The following CCDC93 variants were observed in gnomAD, a reference collection of about 807,000 sequenced individuals.
CCDC93 encodes the protein coiled-coil domain-containing protein 93.
CCDC93 carries 61 observed loss-of-function variants against 108.2 expected under a neutral mutation model. The ratio of observed to expected loss-of-function variants is 0.56; its 90% CI spans 0.46 to 0.70. The LOEUF is 0.70. Ranked by LOEUF, CCDC93 falls within the 30% of genes least tolerant of loss-of-function variation. CCDC93 has a pLI of 0.00. For synonymous variants in CCDC93, 276 were observed against 260.4 expected (o/e 1.06, Z -0.58); for missense variants, 685 against 764.2 (o/e 0.90, Z 1.22).
chr2:117,971,334 T>C (rs959762489), intron 11 of CCDC93, among the ~76,000 whole-genome samples: 5 of 152,116 alleles, frequency 3.3e-5, no homozygotes, highest in African/African-American at 1.2e-4. Flanking sequence ...CTGCACTCTT[T>C]GCCTGGGCAA....
chr2:117,926,057 T>C (rs1678082015), intron 23 of CCDC93, among the ~76,000 whole-genome samples: 1 of 152,070 alleles, frequency 6.6e-6, no homozygotes, highest in Non-Finnish European at 1.5e-5. Flanking sequence ...ATAAAGATGT[T>C]CTTTGAAACC....
At chr2:118,006,838 T>C in intron 2 of CCDC93, 22 bp from the exon 3 acceptor site, 1 of 1,479,198 alleles carries the variant, frequency 6.8e-7, no homozygotes. Context: ...AAAGAAAATA[T>C]TTGTTTTCTC....
intron 11 of CCDC93, among the ~76,000 whole-genome samples, chr2:117,969,518 G>C (rs1321706815): frequency 6.6e-6 from 1 of 152,216 alleles, no homozygotes; most frequent in African/African-American, 2.4e-5. Flanking sequence ...CACAATAGCA[G>C]ATAACCACAC....
intron 7 of CCDC93, among the ~76,000 whole-genome samples, chr2:117,980,026 G>A (rs1307911166): frequency 6.6e-6 from 1 of 152,190 alleles, no homozygotes; most frequent in African/African-American, 2.4e-5. Flanking sequence ...CTATCACAGT[G>A]GCTTCTTGGT....
intron 18 of CCDC93, among the ~76,000 whole-genome samples, chr2:117,942,830 G>A (rs1020181369): frequency 1.3e-5 from 2 of 152,132 alleles, no homozygotes; most frequent in African/African-American, 4.8e-5. Context: ...ATTTCAATGT[G>A]GTTGAGTATC....
chr2:117,993,393 CAAAA>C (rs61495252), intron 6 of CCDC93, among the ~76,000 whole-genome samples: 1 of 64,430 alleles, frequency 1.6e-5, no homozygotes. Flanking sequence ...GACTCCGTCT[CAAAA>C]AAAAAAAAAA....
intron 13 of CCDC93, chr2:117,951,280 A>C: frequency 2.0e-6 from 2 of 985,426 alleles, no homozygotes; most frequent in Non-Finnish European, 2.4e-6. Context: ...GAACCCAGTC[A>C]CAGAGCAATG....
At chr2:118,006,875 G>GA in intron 2 of CCDC93, 59 bp from the exon 3 acceptor site, 1 of 1,023,388 alleles carries the variant, frequency 9.8e-7, no homozygotes, top group Admixed American at 1.8e-5. Flanking sequence ...AATGGAAGAA[G>GA]TGGAAGGTAG....
chr2:117,987,614 G>T (rs1680358763), intron 6 of CCDC93, among the ~76,000 whole-genome samples: 1 of 152,168 alleles, frequency 6.6e-6, no homozygotes, highest in Non-Finnish European at 1.5e-5. Context: ...CTCAGTTTCT[G>T]TATCTATAAA....
intron 21 of CCDC93, 36 bp from the exon 22 acceptor site, chr2:117,935,615 C>A: frequency 2.0e-6 from 3 of 1,478,394 alleles, no homozygotes; most frequent in Non-Finnish European, 2.8e-6. Context: ...GACCGGCACA[C>A]AGGACTCTGA....
intron 14 of CCDC93, 65 bp downstream of exon 14, chr2:117,949,257 G>C: frequency 1.8e-6 from 2 of 1,101,630 alleles, no homozygotes; most frequent in Admixed American, 3.4e-5. Context: ...AACAAATTAA[G>C]CCAACAAGTA....
Position 117,941,387 on chromosome 2 carries a change from C to G in CCDC93, c.1414-90G>C, listed in dbSNP as rs938100450. 5 of 942,954 alleles carry G rather than the reference C, an allele frequency of 5.3e-6. No individual in the cohort carries two copies. The East Asian group carries it at 9.9e-5, about 19-fold the overall frequency. The allele number at this position is 942,954 out of a possible 1,614,324, so 58.4% of individuals were successfully genotyped here. ...GCCAAAATATTGCCTGCACCCCGAC[C>G]TGAGCCCAACCATGCGCCCTACAAT... On this transcript the variant is annotated intron_variant, in intron 18 of 23. Transcript: ENST00000376300.
intron 19 of CCDC93, 55 bp downstream of exon 19, chr2:117,941,134 C>T: frequency 2.4e-6 from 3 of 1,266,548 alleles, no homozygotes; most frequent in Non-Finnish European, 3.5e-6. Context: ...GTGGAACAGA[C>T]CCCTCGCCTG....
At chr2:117,967,306 T>C in intron 11 of CCDC93, among the ~76,000 whole-genome samples, 1 of 152,210 alleles carries the variant, frequency 6.6e-6, no homozygotes. Flanking sequence ...TATTACCCTT[T>C]AAAGGACTGC....
In CCDC93 at chr2:118,013,977, GC is replaced by G; in HGVS notation, c.18del (p.Pro7ArgfsTer21). 8 of 1,594,288 alleles carry G rather than the reference GC, an allele frequency of 5.0e-6. No homozygotes were observed. In the Admixed American group the frequency reaches 5.2e-5, roughly 10 times the overall value. ...ACCTCCGGGAGACCCTGGCCCTCCG[GC>G]CCCCTGGGCAACCCCATGATCCGAC... is the stretch of plus-strand genomic sequence containing the variant. MGLPR[G>X]PEGQGLPEVE... On this transcript the variant is annotated frameshift_variant, in exon 1 of 24. Coordinates refer to ENST00000376300, the MANE Select transcript of CCDC93 (RefSeq NM_019044.5). LOFTEE classifies it high-confidence loss of function.
intron 9 of CCDC93, 39 bp from the exon 10 acceptor site, chr2:117,974,939 T>C: frequency 6.5e-7 from 1 of 1,532,750 alleles, no homozygotes; most frequent in Non-Finnish European, 8.9e-7. Flanking sequence ...TGAGTGGTTC[T>C]GAACATGTAA....
At chr2:117,932,234 G>A (rs1254756852) in intron 22 of CCDC93, among the ~76,000 whole-genome samples, 2 of 152,290 alleles carry the variant, frequency 1.3e-5, no homozygotes, top group South Asian at 2.1e-4. Flanking sequence ...ACTCATGGCC[G>A]GTGCTCAAAA....
At chr2:117,937,256 C>CGT (rs1217426363) in intron 20 of CCDC93, among the ~76,000 whole-genome samples, 1 of 152,180 alleles carries the variant, frequency 6.6e-6, no homozygotes, top group Non-Finnish European at 1.5e-5. Context: ...GTTCAAGGCC[C>CGT]CGTGGACACT....
chr2:117,973,969 C>T lies in CCDC93; in HGVS notation c.827G>A (p.Gly276Asp). Reference sequence around the variant, plus strand: ...AGCAGAGCAGAGTCCCACAATCTGGCCCACGGAGCTTGCGGTGAGACGGCT... The same window carrying T: ...AGCAGAGCAGAGTCCCACAATCTGGTCCACGGAGCTTGCGGTGAGACGGCT... Reference protein sequence around the residue: ...EESRLTASSVGQIVGLCSAEI... With the variant: ...EESRLTASSVDQIVGLCSAEI... Residue 276 changes from glycine (G) to aspartate (D), a missense_variant, in exon 11 of 24, where the codon GGC (glycine) becomes GAC (aspartate). By Grantham distance (94) the Gly-to-Asp change is moderately conservative. Coordinates refer to ENST00000376300, the MANE Select transcript of CCDC93 (RefSeq NM_019044.5). 4 of 1,611,734 alleles carry T rather than the reference C, an allele frequency of 2.5e-6. No individual in the cohort carries two copies. The highest frequency in any genetic ancestry group is 2.5e-6 in the Non-Finnish European group (3 of 1,178,888).
Sources: allele counts gnomAD v4.1 joint callset (sites outside exome capture counted in the v4.1 genomes callset), GRCh38; gene constraint gnomAD v4.1.1; transcripts MANE v1.5; gene names NCBI Gene and HGNC (gene_info 2026-07-23, HGNC 2026-07-21).